FBXL2: variants seen among roughly 807,000 people sequenced by gnomAD.
The protein encoded by FBXL2 is F-box/LRR-repeat protein 2.
A neutral mutation model predicts 69.2 loss-of-function variants in FBXL2; 38 were observed. The ratio of observed to expected loss-of-function variants is 0.55; its 90% CI spans 0.42 to 0.72. The LOEUF (loss-of-function observed/expected upper bound fraction) is 0.72, where lower values mean the gene tolerates loss of function less well. FBXL2 is among the 30% of genes least tolerant of loss of function. The pLI, the probability that FBXL2 is intolerant of heterozygous loss-of-function variation, is 0.00. For synonymous variants in FBXL2, 192 were observed against 201.3 expected, an observed-to-expected ratio of 0.95 and a Z score of 0.39; for missense variants, 354 against 520.3, an observed-to-expected ratio of 0.68 and a Z score of 3.11.
In FBXL2 at chr3:33,385,794, A is replaced by T; in HGVS notation, c.*186A>T. On this transcript the variant is annotated 3_prime_UTR_variant, in exon 15 of 15. Transcript: ENST00000484457. ...GTTTTCACCTTTATTCTGCTGTGAA[A>T]CAATCAAATCAAAGCCTTGTGTCAG... The T allele has an allele frequency of 3.3e-6, 2 of 598,846 alleles. No homozygotes were observed. The highest frequency in any genetic ancestry group is 5.9e-5 in the Admixed American group (2 of 33,702). 37.1% of individuals were successfully genotyped at this position (598,846 alleles called of 1,614,324 possible). A position where few individuals can be genotyped will look rare whatever the true frequency, so the allele number is the denominator to read the frequency against.
chr3:33,392,414 A>G, downstream of FBXL2: 1 of 660,676 alleles, frequency 1.5e-6, no homozygotes, highest in Non-Finnish European at 2.4e-6. Flanking sequence ...TTTCTGTTAC[A>G]ACCACTAGAA....
intron 5 of FBXL2, among the ~76,000 whole-genome samples, chr3:33,366,222 C>T (rs138154502): frequency 6.6e-6 from 1 of 152,094 alleles, no homozygotes; most frequent in African/African-American, 2.4e-5. Flanking sequence ...ATTATTGGAT[C>T]CTATTTGCTA....
At chr3:33,379,390 T>C (rs111679283) in intron 13 of FBXL2, among the ~76,000 whole-genome samples, 2,025 of 152,268 alleles carry the variant, frequency 0.013, 21 homozygotes, top group South Asian at 0.027. Flanking sequence ...AGTCTTGCTC[T>C]GTCACCCAGG....
At chr3:33,361,533 T>TA (rs2041630689) in intron 4 of FBXL2, among the ~76,000 whole-genome samples, 1 of 152,044 alleles carries the variant, frequency 6.6e-6, no homozygotes, top group Non-Finnish European at 1.5e-5. Context: ...ATTTTGATAT[T>TA]AAAAAGTACT....
chr3:33,406,364 T>G (rs1282369382), downstream of FBXL2, among the ~76,000 whole-genome samples: 1 of 152,238 alleles, frequency 6.6e-6, no homozygotes, highest in Non-Finnish European at 1.5e-5. Flanking sequence ...CTAGCAAATC[T>G]AATCATGGGT....
At chr3:33,353,115 C>G (rs2040947396) in intron 2 of FBXL2, among the ~76,000 whole-genome samples, 1 of 152,102 alleles carries the variant, frequency 6.6e-6, no homozygotes, top group African/African-American at 2.4e-5. Context: ...GGGTAAATCT[C>G]AAAAATCTAA....
At chr3:33,283,014 C>A (rs113374290) in intron 1 of FBXL2, among the ~76,000 whole-genome samples, 2,877 of 152,284 alleles carry the variant, frequency 0.019, 87 homozygotes, top group African/African-American at 0.066. Context: ...GTGACTTCCT[C>A]TTTTCCTAAT....
chr3:33,373,671 C>A lies in FBXL2; in HGVS notation c.549C>A (p.Gly183=). 6.2e-7 allele frequency: 1 copy of A among 1,614,164 alleles called. No individual in the cohort carries two copies. Among genetic ancestry groups the A allele is most frequent in the East Asian group, 2.2e-5 (1 of 44,888 alleles). Residue 183 remains glycine (G), a synonymous_variant, in exon 8 of 15, where the codon GGC becomes GGA. Transcript: ENST00000484457. ...GIEALVRGCR[G]LKALLLRGCT... ...AGGCACTGGTGCGAGGTTGTCGAGG[C>A]CTGAAAGCCCTGCTCCTGAGGGGCT...
At chr3:33,402,898 G>C (rs1161051447) in intron 12 of FBXL2, 1 of 1,608,170 alleles carries the variant, frequency 6.2e-7, no homozygotes, top group African/African-American at 1.3e-5. Flanking sequence ...TCGGGCCACG[G>C]AGAACACTAA....
At chr3:33,309,898 C>G (rs1053674477) in intron 2 of FBXL2, among the ~76,000 whole-genome samples, 13 of 152,044 alleles carry the variant, frequency 8.6e-5, no homozygotes, top group African/African-American at 2.9e-4. Flanking sequence ...TAGTGGCTCA[C>G]GCCTGTAATC....
intron 10 of FBXL2, among the ~76,000 whole-genome samples, chr3:33,375,826 T>A (rs1199161195): frequency 6.6e-6 from 1 of 152,102 alleles, no homozygotes; most frequent in East Asian, 1.9e-4. Flanking sequence ...ACCTTCTTAC[T>A]TAGCTTCTTC....
chr3:33,360,862 C>G (rs893929402), intron 4 of FBXL2, among the ~76,000 whole-genome samples: 1 of 150,700 alleles, frequency 6.6e-6, no homozygotes, highest in Non-Finnish European at 1.5e-5. Context: ...CTTCATGTCT[C>G]CTCAATTTTG....
chr3:33,349,150 G>A (rs898998123), intron 2 of FBXL2, among the ~76,000 whole-genome samples: 1 of 152,120 alleles, frequency 6.6e-6, no homozygotes, highest in African/African-American at 2.4e-5. Flanking sequence ...CCAGTACTAT[G>A]TTGAATAACA....
downstream of FBXL2, chr3:33,389,651 A>G (rs1478589492): frequency 6.6e-6 from 1 of 152,436 alleles, no homozygotes. Flanking sequence ...CCAAAACACA[A>G]AAGTCTTTGT....
chr3:33,421,098 A>C, the FBXL2 span, among the ~76,000 whole-genome samples: 18 of 152,232 alleles, frequency 1.2e-4, no homozygotes, highest in Non-Finnish European at 1.8e-4. Context: ...TCACAGGCTC[A>C]GCCCCCAGCT....
At chr3:33,396,454 A>C in intron 12 of FBXL2, 2 of 514,556 alleles carry the variant, frequency 3.9e-6, no homozygotes, top group Non-Finnish European at 6.9e-6. Flanking sequence ...CCTCACACCA[A>C]CTATCACAGG....
intron 2 of FBXL2, among the ~76,000 whole-genome samples, chr3:33,331,785 A>C (rs761756991): frequency 3.1e-4 from 47 of 152,176 alleles, no homozygotes; most frequent in Non-Finnish European, 6.5e-4. Context: ...AGGGAGAGTA[A>C]GTGGATTAAA....
intron 2 of FBXL2, among the ~76,000 whole-genome samples, chr3:33,298,722 T>C (rs993973023): frequency 6.7e-6 from 1 of 150,284 alleles, no homozygotes; most frequent in Non-Finnish European, 1.5e-5. Flanking sequence ...AAAAAAAGCT[T>C]ATTTTTGTTT....
chr3:33,422,099 GAA>G, the FBXL2 span, among the ~76,000 whole-genome samples: 1 of 152,138 alleles, frequency 6.6e-6, no homozygotes, highest in Non-Finnish European at 1.5e-5. Context: ...CTAGTGAGCT[GAA>G]GATACTTTGC....
Sources: gnomAD v4.1 joint callset for allele counts (sites outside exome capture counted in the v4.1 genomes callset) on GRCh38, gnomAD v4.1.1 for gene constraint, MANE v1.5 for transcripts, NCBI Gene and HGNC (gene_info 2026-07-23, HGNC 2026-07-21) for gene names.